Variants in SEM1 observed in about 807,000 individuals in gnomAD.
SEM1 encodes the protein SEM1 26S proteasome subunit.
SEM1 carries 3 observed loss-of-function variants against 12.7 expected under a neutral mutation model. The ratio of observed to expected loss-of-function variants is 0.24; its 90% CI spans 0.11 to 0.61. The LOEUF (loss-of-function observed/expected upper bound fraction) is 0.61. Among genes scored for constraint, SEM1 ranks in the 20% least tolerant of loss-of-function variants. The pLI, the probability that SEM1 is intolerant of heterozygous loss-of-function variation, is 0.88. For missense variants in SEM1, 59 were observed against 81.3 expected (o/e 0.73, Z 1.06); for synonymous variants, 30 against 27.8 (o/e 1.08, Z -0.25).
At chr7:96,567,536 G>A (rs1210178594) in intron 2 of SEM1, among the ~76,000 whole-genome samples, 1 of 150,954 alleles carries the variant, frequency 6.6e-6, no homozygotes, top group Non-Finnish European at 1.5e-5. Flanking sequence ...AACCTCTAAA[G>A]CAATGAGAAG....
At chr7:96,554,347 C>T (rs2115864776) in intron 2 of SEM1, among the ~76,000 whole-genome samples, 1 of 112,752 alleles carries the variant, frequency 8.9e-6, no homozygotes, top group South Asian at 3.2e-4. Flanking sequence ...ATAGATAGCG[C>T]TTATTATTTT....
At chr7:96,671,987 T>C (rs1789328465), downstream of SEM1, among the ~76,000 whole-genome samples, 2 of 152,332 alleles carry the variant, frequency 1.3e-5, no homozygotes, top group South Asian at 4.1e-4. Context: ...GAAAACCAAA[T>C]ATAGTACTCC....
chr7:96,485,811 A>T (rs572645256), intron 2 of SEM1, among the ~76,000 whole-genome samples: 19 of 152,120 alleles, frequency 1.2e-4, no homozygotes, highest in African/African-American at 3.9e-4. Flanking sequence ...AAGTGCTGGG[A>T]TTACAGGCAT....
At chr7:96,599,494 A>T (rs1232220609) in intron 2 of SEM1, among the ~76,000 whole-genome samples, 1 of 152,128 alleles carries the variant, frequency 6.6e-6, no homozygotes, top group African/African-American at 2.4e-5. Flanking sequence ...TACCTAACAA[A>T]TATTTGCTGA....
Position 96,555,995 on chromosome 7 carries a change from A to C in SEM1, c.171-49297T>G, listed in dbSNP as rs538415654. Reference sequence around the variant, plus strand: ...TTGCTGGTTTAAAGTCTGTTTTATCAGAGACTAGGATTGCAACCCCTGCCT... The same window carrying C: ...TTGCTGGTTTAAAGTCTGTTTTATCCGAGACTAGGATTGCAACCCCTGCCT... On this transcript the variant is annotated intron_variant and NMD_transcript_variant, in intron 2 of 3. Coordinates refer to the SEM1 transcript ENST00000466986. Among the ~76,000 whole-genome samples the C allele has an allele frequency of 4.1e-4, 42 of 102,314 alleles. No individual in the cohort carries two copies. In the South Asian group the frequency reaches 0.01, roughly 25 times the overall value. The allele number at this position is 102,314 out of a possible 152,430, so 67.1% of individuals were successfully genotyped here.
At chr7:96,680,820 G>C (rs919247371) in intron 2 of SEM1, among the ~76,000 whole-genome samples, 2 of 152,076 alleles carry the variant, frequency 1.3e-5, no homozygotes, top group East Asian at 3.8e-4. Flanking sequence ...AATATGTGGA[G>C]AGCAAAATGA....
At chr7:96,504,652 C>T (rs1048468640) in intron 3 of SEM1, among the ~76,000 whole-genome samples, 2 of 152,058 alleles carry the variant, frequency 1.3e-5, no homozygotes, top group African/African-American at 4.8e-5. Flanking sequence ...AGAAAAGCTA[C>T]AGTACCATTT....
chr7:96,607,843 T>C (rs1223026946), intron 2 of SEM1, among the ~76,000 whole-genome samples: 2 of 152,198 alleles, frequency 1.3e-5, no homozygotes, highest in Non-Finnish European at 2.9e-5. Context: ...TAGGTAGTGT[T>C]CCAGTCTACT....
intron 2 of SEM1, among the ~76,000 whole-genome samples, chr7:96,522,729 C>T (rs1187458949): frequency 1.6e-5 from 2 of 125,116 alleles, no homozygotes; most frequent in Non-Finnish European, 3.5e-5. Context: ...AATACCCCCC[C>T]CCCAAAAAAA....
chr7:96,548,982 G>C (rs1337380299), intron 2 of SEM1, among the ~76,000 whole-genome samples: 1 of 152,282 alleles, frequency 6.6e-6, no homozygotes, highest in Non-Finnish European at 1.5e-5. Context: ...AGCTCGTACT[G>C]TATTGATAGT....
At chr7:96,621,449 A>T (rs1807889867), downstream of SEM1, among the ~76,000 whole-genome samples, 1 of 152,222 alleles carries the variant, frequency 6.6e-6, no homozygotes, top group African/African-American at 2.4e-5. Context: ...ATTGTAGAGT[A>T]GCCTGGGGTT....
chr7:96,700,504 T>G (rs1044109484), intron 1 of SEM1, among the ~76,000 whole-genome samples: 1 of 152,168 alleles, frequency 6.6e-6, no homozygotes, highest in Non-Finnish European at 1.5e-5. Flanking sequence ...GGGTTCCATA[T>G]CCTGTGAATA....
intron 2 of SEM1, among the ~76,000 whole-genome samples, chr7:96,630,872 C>A (rs1209293085): frequency 6.6e-6 from 1 of 151,768 alleles, no homozygotes; most frequent in African/African-American, 2.4e-5. Context: ...AGGAGTAGGT[C>A]CTTCCTTTCG....
intron 2 of SEM1, among the ~76,000 whole-genome samples, chr7:96,658,131 A>G (rs1213899099): frequency 6.6e-6 from 1 of 152,142 alleles, no homozygotes; most frequent in Non-Finnish European, 1.5e-5. Context: ...ATGAATCCCA[A>G]GTGAAATTAG....
intron 2 of SEM1, among the ~76,000 whole-genome samples, chr7:96,583,690 C>G (rs1044627811): frequency 7.3e-5 from 11 of 150,668 alleles, no homozygotes; most frequent in South Asian, 6.5e-4. Flanking sequence ...GGATGGTTAG[C>G]TCTTCTTGTT....
At chr7:96,612,962 T>A (rs1807587020) in intron 2 of SEM1, among the ~76,000 whole-genome samples, 1 of 9,812 alleles carries the variant, frequency 1.0e-4, no homozygotes, top group Non-Finnish European at 4.7e-3. Flanking sequence ...ATTTAAAAAA[T>A]TAAAACTTTT....
intron 2 of SEM1, among the ~76,000 whole-genome samples, chr7:96,531,416 A>C (rs1052255080): frequency 6.9e-6 from 1 of 145,108 alleles, no homozygotes; most frequent in African/African-American, 2.7e-5. Context: ...AAAAAATATA[A>C]AAAAAAAAAC....
intron 2 of SEM1, among the ~76,000 whole-genome samples, chr7:96,578,068 T>C (rs956105440): frequency 3.3e-5 from 5 of 151,956 alleles, no homozygotes; most frequent in African/African-American, 1.2e-4. Context: ...AGAAACTCAA[T>C]GGACTAAACA....
intron 2 of SEM1, among the ~76,000 whole-genome samples, chr7:96,638,014 C>T (rs191524461): frequency 7.6e-4 from 115 of 152,138 alleles, no homozygotes; most frequent in Non-Finnish European, 2.6e-4. Flanking sequence ...TACCAATGAA[C>T]AACAAATTAG....
Sources: gnomAD v4.1 joint callset for allele counts (sites outside exome capture counted in the v4.1 genomes callset) on GRCh38, gnomAD v4.1.1 for gene constraint, MANE v1.5 for transcripts, NCBI Gene and HGNC (gene_info 2026-07-23, HGNC 2026-07-21) for gene names.